Variants in ANO10 observed in about 807,000 individuals in gnomAD.
The protein encoded by ANO10 is anoctamin 10.
Under a neutral mutation model 74.7 loss-of-function variants are expected in ANO10, and 77 were observed. The observed-to-expected ratio is 1.03, with a 90% confidence interval of 0.86 to 1.25. The LOEUF (loss-of-function observed/expected upper bound fraction) is 1.25. Ranked by LOEUF, ANO10 falls within the 50% of genes most tolerant of loss-of-function variation. The pLI is 0.00. For missense variants in ANO10, 721 were observed against 778.1 expected, an observed-to-expected ratio of 0.93 and a Z score of 0.87; for synonymous variants, 279 against 284.9, an observed-to-expected ratio of 0.98 and a Z score of 0.21.
rs1458152129 is a variant in ANO10, at chr3:43,527,530, C to T, written c.1797+22190G>A. Among the ~76,000 whole-genome samples, 4 of 152,156 alleles carry T rather than the reference C, an allele frequency of 2.6e-5. No individual in the cohort carries two copies. The East Asian group carries it at 7.7e-4, about 29-fold the overall frequency. ...AATGGAGCCGTCTAAATCCAAATCT[C>T]TCCATATATACTCAAAACCAAAAAC... On this transcript the variant is annotated intron_variant, in intron 11 of 12. Coordinates refer to ENST00000292246, the MANE Select transcript of ANO10 (RefSeq NM_018075.5).
Position 43,463,142 on chromosome 3 carries a change from G to C in ANO10, c.1798-30415C>G, listed in dbSNP as rs115572925. Among the ~76,000 whole-genome samples the C allele has an allele frequency of 8.9e-3, 1,358 of 152,286 alleles. 14 individuals carry two copies. The highest frequency in any genetic ancestry group is 0.014 in the Middle Eastern group (4 of 294). On this transcript the variant is annotated intron_variant, in intron 11 of 12. Transcript: ENST00000292246. Reference sequence around the variant, plus strand: ...CTCTACTGGAGCACTGTCTAATGGAGCTGTGAAAAGAGGGCCACTGTCCCC... The same window carrying C: ...CTCTACTGGAGCACTGTCTAATGGACCTGTGAAAAGAGGGCCACTGTCCCC...
chr3:43,557,818 A>C (rs1019164201), intron 9 of ANO10, among the ~76,000 whole-genome samples: 3 of 151,452 alleles, frequency 2.0e-5, no homozygotes, highest in African/African-American at 7.3e-5. Flanking sequence ...TTATTAATTA[A>C]AACTGAGAAA....
chr3:43,484,503 T>C (rs1003093984), intron 11 of ANO10, among the ~76,000 whole-genome samples: 1 of 152,298 alleles, frequency 6.6e-6, no homozygotes, highest in Non-Finnish European at 1.5e-5. Flanking sequence ...TTTCAAAATA[T>C]GTCAAAGAAA....
chr3:43,458,098 G>A (rs892522493), intron 11 of ANO10, among the ~76,000 whole-genome samples: 3 of 152,150 alleles, frequency 2.0e-5, no homozygotes, highest in African/African-American at 7.2e-5. Context: ...CTCTCATTTT[G>A]TTCCTAGCTT....
chr3:43,679,026 C>T (rs1049196909), intron 1 of ANO10, among the ~76,000 whole-genome samples: 5 of 152,086 alleles, frequency 3.3e-5, no homozygotes, highest in East Asian at 1.9e-4. Flanking sequence ...ACGCAGAAGA[C>T]GGGTGATTTC....
At chr3:43,403,815 T>C (rs1283507330) in intron 12 of ANO10, among the ~76,000 whole-genome samples, 1 of 152,184 alleles carries the variant, frequency 6.6e-6, no homozygotes, top group Non-Finnish European at 1.5e-5. Flanking sequence ...TATAACAGAA[T>C]CTTTCAACTT....
At chr3:43,368,007 A>G (rs1559481110) in intron 12 of ANO10, among the ~76,000 whole-genome samples, 1 of 152,106 alleles carries the variant, frequency 6.6e-6, no homozygotes, top group African/African-American at 2.4e-5. Flanking sequence ...ACTGTCAATC[A>G]AAAGTCCTTG....
intron 11 of ANO10, among the ~76,000 whole-genome samples, chr3:43,519,067 C>T (rs2077835466): frequency 6.6e-6 from 1 of 152,156 alleles, no homozygotes; most frequent in South Asian, 2.1e-4. Context: ...GTGATGTCTC[C>T]CCCGGACACC....
intron 12 of ANO10, among the ~76,000 whole-genome samples, chr3:43,385,991 T>A (rs372115501): frequency 3.9e-3 from 598 of 152,190 alleles, no homozygotes; most frequent in African/African-American, 9.2e-3. Flanking sequence ...AACATTAAAT[T>A]CATCCCCCAA....
At chr3:43,464,240 C>A (rs780634142) in intron 11 of ANO10, among the ~76,000 whole-genome samples, 1 of 152,094 alleles carries the variant, frequency 6.6e-6, no homozygotes, top group Non-Finnish European at 1.5e-5. Flanking sequence ...TATTCTGATA[C>A]CAAAACCTGA....
intron 11 of ANO10, among the ~76,000 whole-genome samples, chr3:43,538,599 C>A (rs951055882): frequency 2.6e-5 from 4 of 152,052 alleles, no homozygotes; most frequent in Non-Finnish European, 5.9e-5. Flanking sequence ...TGGGATCTAA[C>A]CCACAGGACT....
intron 10 of ANO10, among the ~76,000 whole-genome samples, chr3:43,553,740 T>G (rs773786005): frequency 1.3e-5 from 2 of 152,178 alleles, no homozygotes; most frequent in Non-Finnish European, 2.9e-5. Context: ...TTTCACCACG[T>G]TGGCCAGGCT....
chr3:43,412,105 C>T (rs906154), intron 12 of ANO10, among the ~76,000 whole-genome samples: 1 of 149,598 alleles, frequency 6.7e-6, no homozygotes, highest in East Asian at 1.9e-4. Context: ...AATAATAAGG[C>T]TATCTGGATA....
At chr3:43,468,742 G>A (rs1467951582) in intron 11 of ANO10, among the ~76,000 whole-genome samples, 3 of 147,190 alleles carry the variant, frequency 2.0e-5, no homozygotes, top group South Asian at 2.1e-4. Context: ...ACAGAGTCTC[G>A]CTCTGTTGCC....
intron 1 of ANO10, among the ~76,000 whole-genome samples, chr3:43,685,567 A>G (rs1168705438): frequency 2.0e-5 from 3 of 152,236 alleles, no homozygotes; most frequent in East Asian, 3.8e-4. Flanking sequence ...CCTGGGCCAC[A>G]GAGTATCTTA....
At chr3:43,396,715 C>T (rs1038142641) in intron 12 of ANO10, among the ~76,000 whole-genome samples, 1 of 151,930 alleles carries the variant, frequency 6.6e-6, no homozygotes, top group Non-Finnish European at 1.5e-5. Flanking sequence ...AGCTGGAATA[C>T]AGGAGTGCAA....
At chr3:43,522,522 T>C (rs1262321946) in intron 11 of ANO10, among the ~76,000 whole-genome samples, 2 of 152,180 alleles carry the variant, frequency 1.3e-5, no homozygotes, top group Non-Finnish European at 2.9e-5. Context: ...TACAACTTTA[T>C]GCATTAGGGA....
intron 11 of ANO10, among the ~76,000 whole-genome samples, chr3:43,433,193 C>T (rs892977671): frequency 6.6e-6 from 1 of 151,904 alleles, no homozygotes; most frequent in Non-Finnish European, 1.5e-5. Flanking sequence ...GTGATCCACC[C>T]ACCTTGGCCT....
At chr3:43,413,828 G>A (rs2092699937) in intron 12 of ANO10, among the ~76,000 whole-genome samples, 2 of 151,666 alleles carry the variant, frequency 1.3e-5, no homozygotes, top group Admixed American at 1.3e-4. Context: ...CTTGCCTGCT[G>A]TTACCAGGAA....
Sources: gnomAD v4.1 joint callset for allele counts (sites outside exome capture counted in the v4.1 genomes callset) on GRCh38, gnomAD v4.1.1 for gene constraint, MANE v1.5 for transcripts, NCBI Gene and HGNC (gene_info 2026-07-23, HGNC 2026-07-21) for gene names.